Variants in SLC8A3 observed in about 807,000 individuals in gnomAD.
SLC8A3 encodes the protein sodium/calcium exchanger 3.
In SLC8A3, 37 loss-of-function variants were observed where a neutral mutation model predicts 65.4. The observed-to-expected ratio is 0.57, with a 90% CI of 0.44 to 0.74. The LOEUF (loss-of-function observed/expected upper bound fraction) is 0.74. Among genes scored for constraint, SLC8A3 ranks in the 30% least tolerant of loss-of-function variants. The pLI is 0.00. For synonymous variants in SLC8A3, 461 were observed against 444.5 expected (o/e 1.04, Z -0.47); for missense variants, 1,112 against 1,172.1 (o/e 0.95, Z 0.75).
chr14:70,045,778 T>C lies in SLC8A3; in HGVS notation c.*169A>G, dbSNP rs1886689545. 1.7e-6 allele frequency: 1 copy of C among 595,978 alleles called. No homozygotes were observed. The highest frequency in any genetic ancestry group is 3.0e-5 in the Admixed American group (1 of 33,560). The allele number at this position is 595,978 out of a possible 1,614,324, so 36.9% of individuals were successfully genotyped here. The stretch of plus-strand genomic sequence containing the variant: ...CCTCCATTGTTTGATTGATTAAGAC[T>C]TTGCCCTTTCAGTTAATTGCCAGGG... On this transcript the variant is annotated 3_prime_UTR_variant, in exon 7 of 7. Transcript: ENST00000356921.
intron 2 of SLC8A3, among the ~76,000 whole-genome samples, chr14:70,126,298 A>G (rs1262849165): frequency 1.3e-5 from 2 of 152,164 alleles, no homozygotes; most frequent in Non-Finnish European, 2.9e-5. Context: ...GGCATCATTG[A>G]GCCCCACCCA....
intron 2 of SLC8A3, among the ~76,000 whole-genome samples, chr14:70,109,788 C>G (rs1893153286): frequency 6.6e-6 from 1 of 152,136 alleles, no homozygotes; most frequent in East Asian, 1.9e-4. Flanking sequence ...AAAATAAGAA[C>G]AAAATATATC....
intron 3 of SLC8A3, 104 bp downstream of exon 3, chr14:70,060,732 G>A (rs138667449): frequency 0.014 from 10,813 of 783,920 alleles, 114 homozygotes; most frequent in Non-Finnish European, 0.018. Context: ...AGAAAAGGAG[G>A]GAGACAAAAA....
chr14:70,103,014 A>G (rs1892637817), intron 2 of SLC8A3, among the ~76,000 whole-genome samples: 1 of 152,096 alleles, frequency 6.6e-6, no homozygotes, highest in South Asian at 2.1e-4. Flanking sequence ...CATCATAATC[A>G]AAGTGTTGAT....
intron 1 of SLC8A3, among the ~76,000 whole-genome samples, chr14:70,185,653 C>T (rs1011508960): frequency 1.3e-5 from 2 of 152,216 alleles, no homozygotes; most frequent in Non-Finnish European, 2.9e-5. Flanking sequence ...AATTGTTCCT[C>T]CAATTCCACT....
rs1302875119 is a variant in SLC8A3 at position 70,168,274 on chromosome 14, C to A, written c.149G>T (p.Gly50Val). 4 of 1,614,152 alleles carry A rather than the reference C, an allele frequency of 2.5e-6. No homozygotes were observed. Among genetic ancestry groups the A allele is most frequent in the African/African-American group, 1.3e-5 (1 of 75,038 alleles). Residue 50 changes from glycine (G) to valine (V), a missense_variant, in exon 2 of 7, where the codon GGG becomes GTG. Physicochemically the swap from Gly to Val is moderately radical, Grantham distance 109 (BLOSUM62 -3). Transcript: ENST00000356921. The part of the protein sequence containing the change: ...STGQNNESCS[G>V]SSDCKEGVIL... Reference sequence around the variant, plus strand: ...GACACCCTCCTTGCAGTCCGATGACCCTGAACAGGACTCATTGTTCTGCCC... The same window carrying A: ...GACACCCTCCTTGCAGTCCGATGACACTGAACAGGACTCATTGTTCTGCCC...
At chr14:70,091,755 G>A (rs924820784) in intron 2 of SLC8A3, among the ~76,000 whole-genome samples, 2 of 152,140 alleles carry the variant, frequency 1.3e-5, no homozygotes, top group Admixed American at 6.5e-5. Flanking sequence ...ATTTTTCGAA[G>A]TCATGTTTAG....
At chr14:70,100,913 C>A (rs1566780047) in intron 2 of SLC8A3, among the ~76,000 whole-genome samples, 1 of 152,224 alleles carries the variant, frequency 6.6e-6, no homozygotes, top group African/African-American at 2.4e-5. Context: ...ATAATATTCA[C>A]AATCTTCCTT....
intron 2 of SLC8A3, among the ~76,000 whole-genome samples, chr14:70,151,412 A>G (rs977588609): frequency 3.9e-5 from 6 of 152,204 alleles, no homozygotes; most frequent in Admixed American, 6.5e-5. Context: ...ACCCTCATCT[A>G]CTTGCAAACA....
At chr14:70,151,325 G>A (rs1278595147) in intron 2 of SLC8A3, among the ~76,000 whole-genome samples, 1 of 151,988 alleles carries the variant, frequency 6.6e-6, no homozygotes, top group African/African-American at 2.4e-5. Flanking sequence ...AGAAGAGGAG[G>A]CCATTATAAC....
chr14:70,101,417 G>A (rs1158585276), intron 2 of SLC8A3, among the ~76,000 whole-genome samples: 1 of 152,130 alleles, frequency 6.6e-6, no homozygotes, highest in Non-Finnish European at 1.5e-5. Flanking sequence ...CCTGGTGGTA[G>A]AAGTTCAAAG....
intron 2 of SLC8A3, among the ~76,000 whole-genome samples, chr14:70,107,169 C>G (rs1892930066): frequency 6.6e-6 from 1 of 151,984 alleles, no homozygotes; most frequent in Admixed American, 6.5e-5. Context: ...TCTATCTCCT[C>G]TACATAAAAC....
chr14:70,178,199 G>C (rs1882403745), intron 1 of SLC8A3, among the ~76,000 whole-genome samples: 1 of 152,168 alleles, frequency 6.6e-6, no homozygotes, highest in Non-Finnish European at 1.5e-5. Context: ...ATCCAACTTA[G>C]ATATCTTCTT....
intron 2 of SLC8A3, among the ~76,000 whole-genome samples, chr14:70,153,757 A>G (rs1174389057): frequency 6.6e-6 from 1 of 152,208 alleles, no homozygotes; most frequent in African/African-American, 2.4e-5. Flanking sequence ...CAGGGCTGGC[A>G]TAGGCTCTCC....
intron 3 of SLC8A3, among the ~76,000 whole-genome samples, chr14:70,053,946 G>C (rs762834864): frequency 8.5e-5 from 13 of 152,082 alleles, no homozygotes; most frequent in East Asian, 1.9e-4. Context: ...AATTTCTTGA[G>C]AGAATTATAA....
intron 1 of SLC8A3, among the ~76,000 whole-genome samples, chr14:70,180,854 C>T (rs1882690186): frequency 6.6e-6 from 1 of 152,120 alleles, no homozygotes; most frequent in South Asian, 2.1e-4. Context: ...AACCTGGGGC[C>T]CTTGAGGCAC....
At chr14:70,079,572 A>G (rs544365910) in intron 2 of SLC8A3, among the ~76,000 whole-genome samples, 1 of 152,194 alleles carries the variant, frequency 6.6e-6, no homozygotes, top group South Asian at 2.1e-4. Flanking sequence ...TCTCTGGCTT[A>G]GGGCTTCTAA....
At position 70,126,570 on chromosome 14, in the gene SLC8A3, T is replaced by TCTCTCTCTCACA. The variant is rs1385909771; in HGVS notation, c.1784+40068_1784+40069insTGTGAGAGAGAG. 7.6e-3 allele frequency among the ~76,000 whole-genome samples: 888 copies of TCTCTCTCTCACA among 117,050 alleles called. 9 individuals are homozygous for TCTCTCTCTCACA. The highest frequency in any genetic ancestry group is 0.023 in the African/African-American group (700 of 31,098). The allele number at this position is 117,050 out of a possible 152,430, so 76.8% of individuals were successfully genotyped here. Reference sequence around the variant, plus strand: ...AATTCTCTCTCTCTCTCTCTCTCTCTCACACACACACACACACACACACAC... The same window carrying TCTCTCTCTCACA: ...AATTCTCTCTCTCTCTCTCTCTCTCTCTCTCTCTCACACACACACACACACACACACACACAC... On this transcript the variant is annotated intron_variant, in intron 2 of 6. Coordinates refer to ENST00000356921, the MANE Select transcript of SLC8A3 (RefSeq NM_182932.3).
At chr14:70,078,240 C>T (rs1415096844) in intron 2 of SLC8A3, among the ~76,000 whole-genome samples, 1 of 152,208 alleles carries the variant, frequency 6.6e-6, no homozygotes, top group African/African-American at 2.4e-5. Flanking sequence ...TAAAATTCTA[C>T]ATCTGCCTGG....
Sources: gnomAD v4.1 joint callset for allele counts (sites outside exome capture counted in the v4.1 genomes callset) on GRCh38, gnomAD v4.1.1 for gene constraint, MANE v1.5 for transcripts, NCBI Gene and HGNC (gene_info 2026-07-23, HGNC 2026-07-21) for gene names.